Variants in NKAIN2 observed in about 807,000 individuals in gnomAD.
The protein encoded by NKAIN2 is sodium/potassium transporting ATPase interacting 2, also known as sodium/potassium-transporting ATPase subunit beta-1-interacting protein 2.
A neutral mutation model predicts 32.6 loss-of-function variants in NKAIN2; 14 were observed. That is an observed-to-expected ratio of 0.43 (90% CI 0.28 to 0.67). The LOEUF (loss-of-function observed/expected upper bound fraction) is 0.67. NKAIN2 is among the 30% of genes least tolerant of loss of function. The pLI is 0.17. For missense variants in NKAIN2, 198 were observed against 258.3 expected (o/e 0.77, Z 1.60); for synonymous variants, 80 against 87.2 (o/e 0.92, Z 0.46).
intron 1 of NKAIN2, among the ~76,000 whole-genome samples, chr6:124,014,456 T>C (rs1004252403): frequency 4.6e-5 from 7 of 152,060 alleles, no homozygotes; most frequent in Non-Finnish European, 1.0e-4. Context: ...ATTTTATATG[T>C]TTATACAAAT....
chr6:123,838,841 A>G, intron 1 of NKAIN2, among the ~76,000 whole-genome samples: 1 of 152,206 alleles, frequency 6.6e-6, no homozygotes, highest in Non-Finnish European at 1.5e-5. Context: ...CCTGTATGCT[A>G]GAAAAAGGCA....
intron 3 of NKAIN2, among the ~76,000 whole-genome samples, chr6:124,630,091 G>C (rs1349779538): frequency 2.6e-5 from 4 of 152,126 alleles, no homozygotes; most frequent in African/African-American, 9.7e-5. Context: ...CTGGGGTGTT[G>C]AGTAGAGTGG....
chr6:124,237,653 A>G (rs1255741766), intron 1 of NKAIN2, among the ~76,000 whole-genome samples: 1 of 152,162 alleles, frequency 6.6e-6, no homozygotes, highest in Non-Finnish European at 1.5e-5. Flanking sequence ...TTCACAAGGT[A>G]GTAAGAATAT....
At chr6:123,825,596 A>C (rs968524550) in intron 1 of NKAIN2, among the ~76,000 whole-genome samples, 1 of 152,162 alleles carries the variant, frequency 6.6e-6, no homozygotes, top group African/African-American at 2.4e-5. Flanking sequence ...GGATCATTAG[A>C]GTATTCAGGA....
chr6:124,436,266 T>A (rs332619), intron 3 of NKAIN2, among the ~76,000 whole-genome samples: 39,866 of 152,018 alleles, frequency 0.26, 5,371 homozygotes, highest in African/African-American at 0.29. Flanking sequence ...TAGTATCAAT[T>A]GTTTCTTCTC....
intron 3 of NKAIN2, among the ~76,000 whole-genome samples, chr6:124,474,727 C>T (rs971838282): frequency 1.1e-4 from 17 of 150,772 alleles, no homozygotes; most frequent in Admixed American, 8.6e-4. Context: ...AGCAATAGAA[C>T]TATTTTGAGC....
chr6:124,681,945 G>A (rs1773644808), intron 4 of NKAIN2, among the ~76,000 whole-genome samples: 2 of 151,886 alleles, frequency 1.3e-5, no homozygotes, highest in Admixed American at 1.3e-4. Context: ...TGAAAGAAAG[G>A]AACAGAGGGA....
In NKAIN2 at chr6:124,446,438, G is replaced by A. The variant is rs897297934; in HGVS notation, c.273+91091G>A. ...GCTCACCACAGCCTCGAATTCCTGG[G>A]CTCAAGTGATCCTCCCACCTCAGCT... On this transcript the variant is annotated intron_variant, in intron 3 of 6. Coordinates refer to ENST00000368417, the MANE Select transcript of NKAIN2 (RefSeq NM_001040214.3). 2.6e-5 allele frequency among the ~76,000 whole-genome samples: 4 copies of A among 152,016 alleles called. No homozygotes were observed. In the East Asian group the frequency reaches 7.7e-4, roughly 29 times the overall value.
At chr6:124,033,299 A>G (rs1487744016) in intron 1 of NKAIN2, among the ~76,000 whole-genome samples, 4 of 152,154 alleles carry the variant, frequency 2.6e-5, no homozygotes, top group Non-Finnish European at 5.9e-5. Context: ...TTGGATGATT[A>G]TGTAAAAAGC....
At chr6:124,019,877 G>T (rs1437868611) in intron 1 of NKAIN2, among the ~76,000 whole-genome samples, 1 of 151,940 alleles carries the variant, frequency 6.6e-6, no homozygotes, top group African/African-American at 2.4e-5. Flanking sequence ...TATTATATAA[G>T]ACATATTATA....
chr6:124,474,508 A>T (rs1777105334), intron 3 of NKAIN2, among the ~76,000 whole-genome samples: 1 of 152,080 alleles, frequency 6.6e-6, no homozygotes. Flanking sequence ...TGCTCAGGAT[A>T]CCTGTTGTAG....
intron 3 of NKAIN2, among the ~76,000 whole-genome samples, chr6:124,558,880 T>C (rs536453): frequency 0.96 from 146,141 of 152,158 alleles, 70,458 homozygotes; most frequent in East Asian, 1. Flanking sequence ...ACTGGGGAGG[T>C]GGAGGTTGCA....
intron 3 of NKAIN2, among the ~76,000 whole-genome samples, chr6:124,541,273 T>A (rs1779900770): frequency 6.6e-6 from 1 of 152,160 alleles, no homozygotes; most frequent in African/African-American, 2.4e-5. Context: ...GTCTCTATAT[T>A]ATTGAAGTTA....
At chr6:124,335,125 GA>G (rs5879728) in intron 2 of NKAIN2, among the ~76,000 whole-genome samples, 47,704 of 151,780 alleles carry the variant, frequency 0.31, 8,898 homozygotes, top group African/African-American at 0.53. Context: ...TGTGTAGGCA[GA>G]AAAAAAATAT....
chr6:124,256,885 GTTTTTTTT>G (rs568654193), intron 1 of NKAIN2, among the ~76,000 whole-genome samples: 11 of 75,908 alleles, frequency 1.4e-4, no homozygotes, highest in African/African-American at 3.4e-4. Context: ...GCTTTCTGTT[GTTTTTTTT>G]TTTTTTTTTT....
intron 4 of NKAIN2, among the ~76,000 whole-genome samples, chr6:124,687,832 C>G (rs1477098059): frequency 6.9e-6 from 1 of 145,256 alleles, no homozygotes; most frequent in Non-Finnish European, 1.5e-5. Context: ...TAATACAATA[C>G]CCATACTTAT....
chr6:124,308,686 T>C, intron 2 of NKAIN2, among the ~76,000 whole-genome samples: 1 of 152,186 alleles, frequency 6.6e-6, no homozygotes, highest in East Asian at 1.9e-4. Context: ...TCCTCTTAAG[T>C]ATATTCACCC....
Position 123,804,079 on chromosome 6 carries a change from G to A in NKAIN2, c.-122G>A. 2 of 891,490 alleles carry A rather than the reference G, an allele frequency of 2.2e-6. No individual in the cohort carries two copies. The highest frequency in any genetic ancestry group is 1.6e-5 in the African/African-American group (1 of 61,290). The allele number at this position is 891,490 out of a possible 1,614,324, so 55.2% of individuals were successfully genotyped here. A position where few individuals can be genotyped will look rare whatever the true frequency, so the allele number is the denominator to read the frequency against. On this transcript the variant is annotated 5_prime_UTR_variant, in exon 1 of 7. Coordinates refer to ENST00000368417, the MANE Select transcript of NKAIN2 (RefSeq NM_001040214.3). ...TCCCAGGACGCTGGCAGCAGCAGCA[G>A]CCCGGAGCCCCCGAGCCCTCGGCAG... is the stretch of plus-strand genomic sequence containing the variant.
intron 2 of NKAIN2, among the ~76,000 whole-genome samples, chr6:124,300,563 C>G (rs529378494): frequency 6.6e-6 from 1 of 152,284 alleles, no homozygotes; most frequent in East Asian, 1.9e-4. Context: ...GAGTTTGGAA[C>G]AGTTCAGAAG....
Sources: gnomAD v4.1 joint callset for allele counts (sites outside exome capture counted in the v4.1 genomes callset) on GRCh38, gnomAD v4.1.1 for gene constraint, MANE v1.5 for transcripts, NCBI Gene and HGNC (gene_info 2026-07-23, HGNC 2026-07-21) for gene names.